PDGFRL: variants seen among roughly 807,000 people sequenced by gnomAD.
The protein encoded by PDGFRL is platelet-derived growth factor receptor-like protein.
PDGFRL carries 46 observed loss-of-function variants against 37.2 expected under a neutral mutation model. The observed-to-expected ratio is 1.24, with a 90% CI of 0.98 to 1.58. PDGFRL has a LOEUF of 1.58. Among genes scored for constraint, PDGFRL ranks in the 40% most tolerant of loss-of-function variants. The pLI, the probability that PDGFRL is intolerant of heterozygous loss-of-function variation, is 0.00. For synonymous variants in PDGFRL, 251 were observed against 184.3 expected (o/e 1.36, Z -2.93); for missense variants, 692 against 467.6 (o/e 1.48, Z -4.43).
chr8:17,587,320 C>G (rs1166847189), intron 1 of PDGFRL, among the ~76,000 whole-genome samples: 1 of 152,116 alleles, frequency 6.6e-6, no homozygotes. Context: ...AACATAGATA[C>G]ACAAGATGTG....
rs71729974 is a variant in PDGFRL, at chr8:17,590,888, A to ATTT, written c.353+1133_353+1135dup. ...CTTCTCATTATTATTATTATTATTAATTTTTTTTTTTTGAGACGGAGTCTC... is the reference window on the plus strand; with the variant it reads ...CTTCTCATTATTATTATTATTATTAATTTTTTTTTTTTTTTGAGACGGAGTCTC... On this transcript the variant is annotated intron_variant, in intron 2 of 5. Transcript: ENST00000251630. 1.5e-4 allele frequency among the ~76,000 whole-genome samples: 22 copies of ATTT among 143,072 alleles called. 6 individuals carry two copies. Among genetic ancestry groups the ATTT allele is most frequent in the Non-Finnish European group, 2.0e-4 (13 of 66,152 alleles). 93.9% of individuals were successfully genotyped at this position (143,072 alleles called of 152,430 possible).
chr8:17,589,330 G>C (rs1238383005), intron 1 of PDGFRL, 138 bp from the exon 2 acceptor site: 1 of 687,132 alleles, frequency 1.5e-6, no homozygotes, highest in East Asian at 2.5e-5. Flanking sequence ...AGGTTGCAGT[G>C]AGCTGAGATT....
intron 2 of PDGFRL, among the ~76,000 whole-genome samples, chr8:17,620,698 A>G (rs1259241578): frequency 3.3e-5 from 5 of 152,252 alleles, no homozygotes; most frequent in Non-Finnish European, 4.4e-5. Context: ...ATCCAGAAAT[A>G]CGGTTATGAA....
chr8:17,638,036 T>A (rs1017829997), intron 5 of PDGFRL, among the ~76,000 whole-genome samples: 1 of 152,196 alleles, frequency 6.6e-6, no homozygotes, highest in Non-Finnish European at 1.5e-5. Flanking sequence ...ATTTTTTTGG[T>A]TCAATTTCAT....
intron 1 of PDGFRL, among the ~76,000 whole-genome samples, chr8:17,578,976 G>A (rs1803646500): frequency 1.3e-5 from 2 of 152,208 alleles, no homozygotes; most frequent in Admixed American, 6.5e-5. Context: ...AAGGCAGGTG[G>A]ATCACAAGGT....
At chr8:17,588,631 C>T (rs1420980339) in intron 1 of PDGFRL, among the ~76,000 whole-genome samples, 1 of 152,180 alleles carries the variant, frequency 6.6e-6, no homozygotes, top group Non-Finnish European at 1.5e-5. Flanking sequence ...TAGGATCATG[C>T]CATTGCATTC....
intron 5 of PDGFRL, among the ~76,000 whole-genome samples, chr8:17,634,476 T>G (rs983144797): frequency 6.6e-6 from 1 of 151,758 alleles, no homozygotes; most frequent in Non-Finnish European, 1.5e-5. Flanking sequence ...CCTCTTCATA[T>G]GCAGGTTTTT....
intron 4 of PDGFRL, among the ~76,000 whole-genome samples, chr8:17,633,251 CA>C (rs535761482): frequency 6.6e-6 from 1 of 152,064 alleles, no homozygotes; most frequent in Non-Finnish European, 1.5e-5. Context: ...CAACATAGAC[CA>C]AAAAAACTGA....
At chr8:17,582,160 A>G (rs1803720958) in intron 1 of PDGFRL, among the ~76,000 whole-genome samples, 2 of 152,276 alleles carry the variant, frequency 1.3e-5, no homozygotes, top group South Asian at 4.1e-4. Flanking sequence ...GGCCTTAGCA[A>G]AGAACTTGGC....
intron 2 of PDGFRL, among the ~76,000 whole-genome samples, chr8:17,601,199 C>G (rs1804159098): frequency 6.6e-6 from 1 of 152,222 alleles, no homozygotes; most frequent in Non-Finnish European, 1.5e-5. Context: ...CCTATCACAA[C>G]AGCAGTGACT....
intron 5 of PDGFRL, among the ~76,000 whole-genome samples, chr8:17,640,388 CCTT>C (rs1232566036): frequency 7.9e-5 from 12 of 152,064 alleles, no homozygotes; most frequent in Non-Finnish European, 1.2e-4. Context: ...TTTACTGGTT[CCTT>C]CTTATTTGGG....
chr8:17,607,092 C>A lies in PDGFRL; in HGVS notation c.354-13959C>A, dbSNP rs2299576. ...TGTATTTTGATTGGAAATGGGGTTT[C>A]CTCATGTTGGCCAGGCTGGTCTCAA... On this transcript the variant is annotated intron_variant, in intron 2 of 5. Transcript: ENST00000251630. Among the ~76,000 whole-genome samples the A allele has an allele frequency of 2.0e-5, 3 of 151,812 alleles. 1 individual carries two copies. The highest frequency in any genetic ancestry group is 2.0e-4 in the Admixed American group (3 of 15,240).
chr8:17,641,148 T>G (rs889582574), intron 5 of PDGFRL, among the ~76,000 whole-genome samples: 1 of 152,150 alleles, frequency 6.6e-6, no homozygotes, highest in South Asian at 2.1e-4. Context: ...CGAGTTTGTT[T>G]CTAGGCAGTG....
rs534664932 is a variant in PDGFRL at position 17,636,750 on chromosome 8, T to A, written c.939+2537T>A. ...TATTGATTCTACCCATCCATGAGCA[T>A]GCGATGTGTTTCCATTTGTTTGTGT... On this transcript the variant is annotated intron_variant, in intron 5 of 5. Transcript: ENST00000251630. Among the ~76,000 whole-genome samples, 30 of 152,332 alleles carry A rather than the reference T, an allele frequency of 2.0e-4. 1 individual carries two copies. In the East Asian group the frequency reaches 5.6e-3, roughly 28 times the overall value.
intron 2 of PDGFRL, among the ~76,000 whole-genome samples, chr8:17,600,051 C>T (rs1360532759): frequency 1.3e-5 from 2 of 152,162 alleles, no homozygotes; most frequent in African/African-American, 2.4e-5. Context: ...CAGCCATCTT[C>T]CTCTCTGATA....
intron 5 of PDGFRL, 24 bp from the exon 6 acceptor site, chr8:17,642,589 G>C (rs533413634): frequency 5.3e-6 from 8 of 1,514,152 alleles, no homozygotes. Flanking sequence ...TCTTGCTTCA[G>C]TCTTTGTGGG....
At chr8:17,582,733 G>A (rs1231148575) in intron 1 of PDGFRL, among the ~76,000 whole-genome samples, 2 of 152,170 alleles carry the variant, frequency 1.3e-5, no homozygotes, top group Non-Finnish European at 2.9e-5. Flanking sequence ...AGAGCATTTT[G>A]GGAAAAGAAT....
chr8:17,634,667 AG>A (rs1464156570), intron 5 of PDGFRL, among the ~76,000 whole-genome samples: 1 of 152,206 alleles, frequency 6.6e-6, no homozygotes, highest in African/African-American at 2.4e-5. Context: ...TGTCCTTTGC[AG>A]GAACACAAAT....
chr8:17,621,066 G>C lies in PDGFRL; in HGVS notation c.369G>C (p.Glu123Asp). 2 of 1,606,890 alleles carry C rather than the reference G, an allele frequency of 1.2e-6. No homozygotes were observed. The highest frequency in any genetic ancestry group is 1.7e-5 in the Admixed American group (1 of 59,528). Residue 123 changes from glutamate (E) to aspartate (D), a missense_variant, in exon 3 of 6, where the codon GAG becomes GAC. Coordinates refer to ENST00000251630, the MANE Select transcript of PDGFRL (RefSeq NM_001372073.1). ...TTATTCCTAGCGTCAAGCAGAATGA[G>C]CGCTACGGCCAGTTGACTCTGGTCA... Reference protein sequence around the residue: ...KDSRLSVKQNERYGQLTLVNS... With the variant: ...KDSRLSVKQNDRYGQLTLVNS...
Sources: gnomAD v4.1 joint callset for allele counts (sites outside exome capture counted in the v4.1 genomes callset) on GRCh38, gnomAD v4.1.1 for gene constraint, MANE v1.5 for transcripts, NCBI Gene and HGNC (gene_info 2026-07-23, HGNC 2026-07-21) for gene names.